The following MTOR variants were observed in gnomAD, a reference collection of about 807,000 sequenced individuals.
MTOR encodes the protein mechanistic target of rapamycin kinase, also known as serine/threonine-protein kinase mTOR.
Under a neutral mutation model 319.8 loss-of-function variants are expected in MTOR, and 70 were observed. That is an observed-to-expected ratio of 0.22 (90% confidence interval 0.18 to 0.27). MTOR has a LOEUF of 0.27. Ranked by LOEUF, MTOR falls within the 10% of genes least tolerant of loss-of-function variation. MTOR has a pLI of 1.00. For synonymous variants in MTOR, 1,183 were observed against 1,211.4 expected (o/e 0.98, Z 0.49); for missense variants, 1,890 against 3,274.4 (o/e 0.58, Z 10.32).
At chr1:11,204,169 T>C (rs1438773817) in intron 26 of MTOR, among the ~76,000 whole-genome samples, 2 of 152,222 alleles carry the variant, frequency 1.3e-5, no homozygotes, top group Non-Finnish European at 2.9e-5. Flanking sequence ...TCCTCCCAAA[T>C]TGCAGATTCA....
Position 11,112,788 on chromosome 1 carries a change from C to T in MTOR, c.7366+64G>A, listed in dbSNP as rs573185939. 516 of 1,554,862 alleles carry T rather than the reference C, an allele frequency of 3.3e-4. 9 individuals are homozygous for T. In the South Asian group the frequency reaches 5.5e-3, roughly 16 times the overall value. ...GGATGCACCCACCGACTGAAGCCCA[C>T]CCCACTCTACAAACACTCTGCACAA... is the stretch of plus-strand genomic sequence containing the variant. On this transcript the variant is annotated intron_variant, in intron 54 of 57. Coordinates refer to ENST00000361445, the MANE Select transcript of MTOR (RefSeq NM_004958.4).
At chr1:11,122,443 C>T (rs1006333588) in intron 47 of MTOR, among the ~76,000 whole-genome samples, 5 of 151,626 alleles carry the variant, frequency 3.3e-5, no homozygotes, top group East Asian at 1.9e-4. Context: ...CCTCATGATC[C>T]GCCTGCCTCG....
rs577535781 is a variant in MTOR, at chr1:11,133,009, A to G, written c.5364+71T>C. 7.6e-7 allele frequency: 1 copy of G among 1,317,654 alleles called. No homozygotes were observed. The highest frequency in any genetic ancestry group is 1.7e-5 in the Admixed American group (1 of 58,774). The allele number at this position is 1,317,654 out of a possible 1,614,324, so 81.6% of individuals were successfully genotyped here. ...CCTAGCTCCGCAGAAGCTCAGCTGTAACCACGAGCACACAGGAGGACACGA... is the reference window on the plus strand; with the variant it reads ...CCTAGCTCCGCAGAAGCTCAGCTGTGACCACGAGCACACAGGAGGACACGA... On this transcript the variant is annotated intron_variant, in intron 38 of 57. Coordinates refer to ENST00000361445, the MANE Select transcript of MTOR (RefSeq NM_004958.4). The surrounding 1 kb of genome is among the most constrained non-coding windows in gnomAD (Gnocchi z 4.0).
In MTOR at chr1:11,222,302, T is replaced by C. The variant is rs545167153; in HGVS notation, c.3031-6068A>G. On this transcript the variant is annotated intron_variant, in intron 19 of 57. Coordinates refer to ENST00000361445, the MANE Select transcript of MTOR (RefSeq NM_004958.4). ...AGCTCTACCTCCCGGGTTCATGCCA[T>C]TCTCCTGTCTCAGCCTCCCACGTAG... Among the ~76,000 whole-genome samples the C allele has an allele frequency of 3.1e-4, 47 of 152,128 alleles. No homozygotes were observed. The South Asian group carries it at 7.7e-3, about 25-fold the overall frequency.
chr1:11,189,508 C>A lies in MTOR; in HGVS notation c.4253+9750G>T, dbSNP rs142826661. 4.1e-4 allele frequency: 613 copies of A among 1,503,828 alleles called. 2 individuals carry two copies. In the African/African-American group the frequency reaches 6.9e-3, roughly 17 times the overall value. 93.2% of individuals were successfully genotyped at this position (1,503,828 alleles called of 1,614,324 possible). A position where few individuals can be genotyped will look rare whatever the true frequency, so the allele number is the denominator to read the frequency against. On this transcript the variant is annotated intron_variant, in intron 28 of 57. Coordinates refer to ENST00000361445, the MANE Select transcript of MTOR (RefSeq NM_004958.4). ...GTAAGGTTCAGTCAGCCTGCTGCAG[C>A]TTTGCAGACCTCAGCTGGGCATCTC...
chr1:11,112,990 C>T, intron 53 of MTOR, 73 bp from the exon 54 acceptor site: 1 of 1,457,524 alleles, frequency 6.9e-7, no homozygotes, highest in Non-Finnish European at 9.6e-7. Flanking sequence ...TATTTTCTTC[C>T]AGTCATAAAA....
intron 28 of MTOR, chr1:11,193,717 G>C: frequency 6.2e-7 from 1 of 1,614,134 alleles, no homozygotes. Flanking sequence ...TCTGGCTGGG[G>C]AACGAACACA....
chr1:11,213,639 T>C (rs1646378324), intron 20 of MTOR, 73 bp from the exon 21 acceptor site: 1 of 1,500,886 alleles, frequency 6.7e-7, no homozygotes, highest in Non-Finnish European at 9.1e-7. Context: ...GGAATCAAGA[T>C]GGCCAGAAAA....
intron 29 of MTOR, among the ~76,000 whole-genome samples, chr1:11,162,128 G>A (rs549928152): frequency 1.3e-5 from 2 of 152,206 alleles, no homozygotes; most frequent in African/African-American, 4.8e-5. Context: ...TGAGAACTAC[G>A]TGATGCATGC....
chr1:11,117,909 G>A (rs1317283677), intron 49 of MTOR, among the ~76,000 whole-genome samples: 9 of 151,754 alleles, frequency 5.9e-5, no homozygotes, highest in Admixed American at 1.3e-4. Context: ...GTGAAATCCC[G>A]TTTCTACTAA....
At chr1:11,198,078 A>T (rs951236159) in intron 28 of MTOR, among the ~76,000 whole-genome samples, 1 of 152,214 alleles carries the variant, frequency 6.6e-6, no homozygotes, top group East Asian at 1.9e-4. Flanking sequence ...CAGGTGAGCA[A>T]GGAAATTAAT....
intron 25 of MTOR, among the ~76,000 whole-genome samples, chr1:11,206,982 G>A (rs1646157197): frequency 6.6e-6 from 1 of 152,160 alleles, no homozygotes; most frequent in South Asian, 2.1e-4. Flanking sequence ...TGACTGAGGT[G>A]GCAAATTGTT....
intron 21 of MTOR, among the ~76,000 whole-genome samples, chr1:11,213,196 C>T (rs1646364486): frequency 6.6e-6 from 1 of 152,158 alleles, no homozygotes; most frequent in African/African-American, 2.4e-5. Flanking sequence ...TCCATTGAAA[C>T]AGATACAAAA....
intron 30 of MTOR, among the ~76,000 whole-genome samples, chr1:11,152,685 G>C (rs1218769181): frequency 1.3e-5 from 2 of 152,172 alleles, no homozygotes; most frequent in African/African-American, 4.8e-5. Context: ...GAAATGGGAA[G>C]GGTCTCAGCT....
At chr1:11,170,690 T>C (rs1274686868) in intron 28 of MTOR, among the ~76,000 whole-genome samples, 2 of 151,440 alleles carry the variant, frequency 1.3e-5, no homozygotes, top group Non-Finnish European at 2.9e-5. Context: ...CTTTTTTTTT[T>C]TTCTTTTTTT....
Position 11,257,025 on chromosome 1 carries a change from C to A in MTOR, c.412G>T (p.Asp138Tyr). 6.2e-7 allele frequency: 1 copy of A among 1,614,126 alleles called. No individual in the cohort carries two copies. Among genetic ancestry groups the A allele is most frequent in the Non-Finnish European group, 8.5e-7 (1 of 1,180,028 alleles). The change falls in exon 4 of 58, where the codon GAC becomes TAC. Residue 138 changes from aspartate to tyrosine, a missense_variant. Around this residue, in one of 15 missense-constraint regions of MTOR, gnomAD observed 81 missense variants for 203.6 expected, o/e 0.40. Transcript: ENST00000361445. The stretch of plus-strand genomic sequence containing the variant: ...TCCACGTACTCAGCGGTAAAAGTGT[C>A]CCCTGCCATGGCAAGACGGCCAATG... ...KAIGRLAMAG[D>Y]TFTAEYVEFE...
chr1:11,140,055 C>T (rs567441901), intron 34 of MTOR, among the ~76,000 whole-genome samples: 1 of 152,018 alleles, frequency 6.6e-6, no homozygotes, highest in Non-Finnish European at 1.5e-5. Context: ...GAACTCCTGA[C>T]CTTAACTGAT....
chr1:11,175,686 C>G (rs762525551), intron 28 of MTOR, among the ~76,000 whole-genome samples: 2 of 151,810 alleles, frequency 1.3e-5, no homozygotes, highest in Non-Finnish European at 2.9e-5. Context: ...GAGCAGCTCA[C>G]GTGGGCAGTG....
intron 49 of MTOR, among the ~76,000 whole-genome samples, chr1:11,118,906 C>T (rs961591610): frequency 3.3e-5 from 5 of 151,908 alleles, no homozygotes; most frequent in African/African-American, 2.4e-5. Context: ...GGATTATAGA[C>T]GTGAGCCACT....
Sources: gnomAD v4.1 joint callset for allele counts (sites outside exome capture counted in the v4.1 genomes callset) on GRCh38, gnomAD v4.1.1 for gene constraint, gnomAD v4.1.1 regional missense constraint, Gnocchi (gnomAD v3.1) non-coding constraint, MANE v1.5 for transcripts, NCBI Gene and HGNC (gene_info 2026-07-23, HGNC 2026-07-21) for gene names.